Variants in CADM1 observed in about 807,000 individuals in gnomAD.
The protein encoded by CADM1 is cell adhesion molecule 1.
A neutral mutation model predicts 53.1 loss-of-function variants in CADM1; 15 were observed. The observed-to-expected ratio is 0.28, with a 90% CI of 0.19 to 0.44. The LOEUF is 0.44. CADM1 is among the 20% of genes least tolerant of loss of function. CADM1 has a pLI of 1.00. For synonymous variants in CADM1, 281 were observed against 243.0 expected (o/e 1.16, Z -1.45); for missense variants, 434 against 611.3 (o/e 0.71, Z 3.06).
rs116120696 is a variant in CADM1, at chr11:115,322,306, G to A, written c.125-81886C>T. On this transcript the variant is annotated intron_variant, in intron 1 of 11. Coordinates refer to ENST00000331581, the MANE Select transcript of CADM1 (RefSeq NM_001301043.2). ...TGCAAGGCATTGTGTTTAGCATTTT[G>A]GAAGACACAAAAATGAATCTGACGC... Among the ~76,000 whole-genome samples, 479 of 152,304 alleles carry A rather than the reference G, an allele frequency of 3.1e-3. 2 individuals are homozygous for A. The highest frequency in any genetic ancestry group is 0.011 in the African/African-American group (463 of 41,574).
At chr11:115,208,429 T>C (rs948864010) in intron 8 of CADM1, among the ~76,000 whole-genome samples, 3 of 152,094 alleles carry the variant, frequency 2.0e-5, no homozygotes, top group Admixed American at 6.6e-5. Context: ...CCCATGAAAA[T>C]TGGAAATGTC....
rs1382876843 is a variant in CADM1 at position 115,343,564 on chromosome 11, T to C, written c.125-103144A>G. 3.3e-5 allele frequency among the ~76,000 whole-genome samples: 5 copies of C among 152,070 alleles called. No homozygotes were observed. In the East Asian group the frequency reaches 9.6e-4, roughly 29 times the overall value. Reference sequence around the variant, plus strand: ...CTAAATATTCAGAGACTGGTTTAAATACATTTATGAATATATAAATGAATC... The same window carrying C: ...CTAAATATTCAGAGACTGGTTTAAACACATTTATGAATATATAAATGAATC... On this transcript the variant is annotated intron_variant, in intron 1 of 11. Transcript: ENST00000331581.
chr11:115,424,052 T>C (rs1009769388), intron 1 of CADM1, among the ~76,000 whole-genome samples: 2 of 152,198 alleles, frequency 1.3e-5, no homozygotes, highest in Non-Finnish European at 2.9e-5. Context: ...CCCCTTATTC[T>C]AGTGCACTGT....
At chr11:115,187,454 A>C (rs1939617867) in intron 10 of CADM1, among the ~76,000 whole-genome samples, 1 of 152,138 alleles carries the variant, frequency 6.6e-6, no homozygotes, top group Non-Finnish European at 1.5e-5. Flanking sequence ...TTTGAGATGG[A>C]GTCTCTTTCT....
chr11:115,357,361 A>G (rs1003772902), intron 1 of CADM1, among the ~76,000 whole-genome samples: 1 of 152,216 alleles, frequency 6.6e-6, no homozygotes, highest in African/African-American at 2.4e-5. Flanking sequence ...TCATTCATTC[A>G]GTTTTAAATG....
intron 1 of CADM1, among the ~76,000 whole-genome samples, chr11:115,430,201 C>T (rs1468429343): frequency 3.9e-5 from 6 of 152,158 alleles, no homozygotes; most frequent in Admixed American, 3.9e-4. Context: ...ATTCATAAGG[C>T]TCTATAGCTT....
At chr11:115,227,624 T>A (rs968405266) in intron 5 of CADM1, among the ~76,000 whole-genome samples, 8 of 152,210 alleles carry the variant, frequency 5.3e-5, no homozygotes, top group Admixed American at 6.5e-5. Flanking sequence ...CATTTCCGTT[T>A]TCCCATTATA....
At chr11:115,220,570 C>T (rs556280289) in intron 5 of CADM1, among the ~76,000 whole-genome samples, 1 of 152,228 alleles carries the variant, frequency 6.6e-6, no homozygotes, top group South Asian at 2.1e-4. Flanking sequence ...AAAAGGTAAG[C>T]GTTAGTCTTG....
At chr11:115,276,739 T>G (rs1326292145) in intron 1 of CADM1, among the ~76,000 whole-genome samples, 4 of 152,154 alleles carry the variant, frequency 2.6e-5, no homozygotes, top group Non-Finnish European at 5.9e-5. Flanking sequence ...TCTCTGACAA[T>G]TAGTTGTTGA....
intron 1 of CADM1, among the ~76,000 whole-genome samples, chr11:115,288,568 C>T (rs1943793566): frequency 6.6e-6 from 1 of 152,134 alleles, no homozygotes; most frequent in South Asian, 2.1e-4. Context: ...ACACTGCCCA[C>T]ACAACTTGTG....
At chr11:115,370,242 G>A (rs560702018) in intron 1 of CADM1, among the ~76,000 whole-genome samples, 3 of 152,148 alleles carry the variant, frequency 2.0e-5, no homozygotes, top group Admixed American at 6.5e-5. Context: ...GATCAGAGCA[G>A]ATGTATGGCT....
intron 1 of CADM1, among the ~76,000 whole-genome samples, chr11:115,428,788 TG>T (rs1947965246): frequency 6.6e-6 from 1 of 152,014 alleles, no homozygotes; most frequent in Non-Finnish European, 1.5e-5. Context: ...TGCGTGTGTG[TG>T]TGTGTGTGTA....
intron 1 of CADM1, among the ~76,000 whole-genome samples, chr11:115,360,608 C>A (rs1243442746): frequency 6.6e-6 from 1 of 152,190 alleles, no homozygotes; most frequent in Non-Finnish European, 1.5e-5. Flanking sequence ...ATGACTAAAT[C>A]CTAATGGCCA....
chr11:115,315,432 C>A (rs1028425573), intron 1 of CADM1, among the ~76,000 whole-genome samples: 1 of 152,062 alleles, frequency 6.6e-6, no homozygotes, highest in Non-Finnish European at 1.5e-5. Flanking sequence ...AAATGAGATT[C>A]CAGCTCCTGT....
At chr11:115,251,040 G>T (rs1290627241) in intron 1 of CADM1, among the ~76,000 whole-genome samples, 1 of 152,174 alleles carries the variant, frequency 6.6e-6, no homozygotes, top group Non-Finnish European at 1.5e-5. Context: ...GCATATCAAG[G>T]AATCTGAAGC....
chr11:115,181,543 C>T (rs575795217), intron 10 of CADM1, among the ~76,000 whole-genome samples: 1 of 152,344 alleles, frequency 6.6e-6, no homozygotes, highest in East Asian at 1.9e-4. Flanking sequence ...TCAATTACTG[C>T]AGATGGACAC....
intron 1 of CADM1, among the ~76,000 whole-genome samples, chr11:115,434,866 T>A (rs867933637): frequency 2.9e-3 from 417 of 146,306 alleles, no homozygotes; most frequent in African/African-American, 6.7e-3. Context: ...TATTATTATT[T>A]TTTTTTTTTT....
intron 1 of CADM1, among the ~76,000 whole-genome samples, chr11:115,452,187 T>A (rs1352762994): frequency 6.6e-6 from 1 of 151,776 alleles, no homozygotes; most frequent in African/African-American, 2.4e-5. Flanking sequence ...CTGGGAATCA[T>A]CCACAAAGAC....
intron 1 of CADM1, among the ~76,000 whole-genome samples, chr11:115,441,449 G>C (rs539582652): frequency 2.0e-5 from 3 of 152,246 alleles, no homozygotes; most frequent in Admixed American, 1.3e-4. Flanking sequence ...AATGATAACT[G>C]TAACTCCTAT....
Sources: gnomAD v4.1 joint callset for allele counts (sites outside exome capture counted in the v4.1 genomes callset) on GRCh38, gnomAD v4.1.1 for gene constraint, MANE v1.5 for transcripts, NCBI Gene and HGNC (gene_info 2026-07-23, HGNC 2026-07-21) for gene names.